CCDC148: variants seen among roughly 807,000 people sequenced by gnomAD.
CCDC148 encodes coiled-coil domain containing 148.
In CCDC148, 89 loss-of-function variants were observed where a neutral mutation model predicts 85.7. That is an observed-to-expected ratio of 1.04 (90% CI 0.87 to 1.24). The LOEUF (loss-of-function observed/expected upper bound fraction) is 1.24, where lower values mean the gene tolerates loss of function less well. Ranked by LOEUF, CCDC148 falls within the 50% of genes most tolerant of loss-of-function variation. The pLI is 0.00. For synonymous variants in CCDC148, 230 were observed against 213.9 expected (o/e 1.08, Z -0.66); for missense variants, 692 against 671.7 (o/e 1.03, Z -0.33).
chr2:158,325,682 C>T (rs1158729492), intron 7 of CCDC148, among the ~76,000 whole-genome samples: 1 of 152,110 alleles, frequency 6.6e-6, no homozygotes, highest in Non-Finnish European at 1.5e-5. Flanking sequence ...AAACCTCAAC[C>T]CCGGATTTTC....
chr2:158,198,160 T>A (rs5010510), intron 11 of CCDC148, among the ~76,000 whole-genome samples: 11,340 of 152,174 alleles, frequency 0.075, 1,403 homozygotes, highest in African/African-American at 0.26. Context: ...AGGCCTTTCC[T>A]TCTACTAAGA....
chr2:158,406,997 T>C (rs1433030216), intron 1 of CCDC148, among the ~76,000 whole-genome samples: 3 of 152,144 alleles, frequency 2.0e-5, no homozygotes, highest in Non-Finnish European at 4.4e-5. Context: ...GCTTCTTTCC[T>C]GAGCTTCTCT....
intron 10 of CCDC148, among the ~76,000 whole-genome samples, chr2:158,231,818 C>T (rs1482686047): frequency 1.3e-5 from 2 of 152,128 alleles, no homozygotes; most frequent in Non-Finnish European, 2.9e-5. Context: ...ACCGGGCCAA[C>T]AGTTTTCTTT....
intron 2 of CCDC148, among the ~76,000 whole-genome samples, chr2:158,355,426 A>T (rs1204220964): frequency 1.3e-5 from 2 of 152,234 alleles, no homozygotes; most frequent in South Asian, 2.1e-4. Context: ...GCATTCTTAT[A>T]TACCAGCAAC....
At chr2:158,265,255 GATA>G (rs1357235374) in intron 9 of CCDC148, among the ~76,000 whole-genome samples, 4 of 152,094 alleles carry the variant, frequency 2.6e-5, no homozygotes, top group Admixed American at 6.6e-5. Context: ...CCTGCTTACA[GATA>G]ATTACTCTCA....
At chr2:158,350,897 T>C (rs1559089793) in intron 2 of CCDC148, among the ~76,000 whole-genome samples, 1 of 152,110 alleles carries the variant, frequency 6.6e-6, no homozygotes, top group Non-Finnish European at 1.5e-5. Flanking sequence ...GTGGGGAGTA[T>C]ATTCAACAGC....
chr2:158,281,341 T>A (rs1690286069), intron 9 of CCDC148, among the ~76,000 whole-genome samples: 2 of 152,094 alleles, frequency 1.3e-5, no homozygotes. Flanking sequence ...ATCCAGGAGC[T>A]GGTTTCTTGA....
intron 11 of CCDC148, among the ~76,000 whole-genome samples, chr2:158,209,192 G>A (rs1247780221): frequency 2.6e-5 from 4 of 151,912 alleles, no homozygotes; most frequent in Admixed American, 2.6e-4. Flanking sequence ...AGTGCCTGGA[G>A]TTCTATGGTA....
chr2:158,455,177 A>C (rs138480154), intron 1 of CCDC148, among the ~76,000 whole-genome samples: 99 of 152,328 alleles, frequency 6.5e-4, no homozygotes, highest in African/African-American at 2.3e-3. Flanking sequence ...CTGTTCTATA[A>C]ACAAAAACAC....
Position 158,332,045 on chromosome 2 carries a change from C to G in CCDC148, c.764+6681G>C, listed in dbSNP as rs1462734052. Among the ~76,000 whole-genome samples the G allele has an allele frequency of 2.0e-5, 3 of 152,244 alleles. No homozygotes were observed. In the East Asian group the frequency reaches 5.8e-4, roughly 29 times the overall value. On this transcript the variant is annotated intron_variant, in intron 7 of 13. Coordinates refer to ENST00000283233, the MANE Select transcript of CCDC148 (RefSeq NM_138803.4). ...TTGTTATGTGTGAGTTTGATCCTGT[C>G]ATTATGATGTTAGCTGGTTATTTTG...
chr2:158,270,761 A>T (rs1266687794), intron 9 of CCDC148, among the ~76,000 whole-genome samples: 1 of 152,176 alleles, frequency 6.6e-6, no homozygotes, highest in Non-Finnish European at 1.5e-5. Flanking sequence ...TGCATATTAC[A>T]TATACATGTT....
chr2:158,217,372 G>GTATATATATATATATATATATATATA (rs1279069325), intron 11 of CCDC148, among the ~76,000 whole-genome samples: 5 of 72,306 alleles, frequency 6.9e-5, no homozygotes, highest in African/African-American at 2.0e-4. Flanking sequence ...TTGTGTGTGT[G>GTATATATATATATATATATATATATA]TGTATATATA....
intron 10 of CCDC148, among the ~76,000 whole-genome samples, chr2:158,227,537 C>A (rs1318003382): frequency 6.6e-6 from 1 of 152,056 alleles, no homozygotes; most frequent in Non-Finnish European, 1.5e-5. Flanking sequence ...GGAGGCATCA[C>A]GCTACCTGAC....
chr2:158,221,555 C>T (rs945792591), intron 10 of CCDC148, among the ~76,000 whole-genome samples: 3 of 152,170 alleles, frequency 2.0e-5, no homozygotes, highest in African/African-American at 7.2e-5. Flanking sequence ...TAGTGAGCGA[C>T]TGGCAGCAGG....
chr2:158,384,381 CAGTGCTGG>C (rs1308240169), intron 1 of CCDC148, among the ~76,000 whole-genome samples: 3 of 152,134 alleles, frequency 2.0e-5, no homozygotes, highest in Non-Finnish European at 4.4e-5. Flanking sequence ...TTGTAATCCC[CAGTGCTGG>C]AGGAGGGGTC....
intron 1 of CCDC148, among the ~76,000 whole-genome samples, chr2:158,376,233 G>T (rs1455785937): frequency 2.0e-5 from 3 of 152,000 alleles, no homozygotes; most frequent in Admixed American, 2.0e-4. Context: ...AATTTCACAT[G>T]CAGTTTTAAC....
chr2:158,197,482 G>A (rs904001394), intron 11 of CCDC148, among the ~76,000 whole-genome samples: 2 of 152,146 alleles, frequency 1.3e-5, no homozygotes, highest in Non-Finnish European at 2.9e-5. Flanking sequence ...AGTAAAGTAT[G>A]TGTATGGTTA....
chr2:158,395,023 A>G (rs2216456), intron 1 of CCDC148, among the ~76,000 whole-genome samples: 134,991 of 151,986 alleles, frequency 0.89, 60,708 homozygotes, highest in Non-Finnish European at 0.96. Context: ...TTCCTTAATC[A>G]GGAAAAAAGA....
chr2:158,280,731 C>T (rs1690243009), intron 9 of CCDC148, among the ~76,000 whole-genome samples: 1 of 152,146 alleles, frequency 6.6e-6, no homozygotes. Context: ...GACAGAAAGT[C>T]AACAAGGATA....
Sources: gnomAD v4.1 joint callset for allele counts (sites outside exome capture counted in the v4.1 genomes callset) on GRCh38, gnomAD v4.1.1 for gene constraint, MANE v1.5 for transcripts, NCBI Gene and HGNC (gene_info 2026-07-23, HGNC 2026-07-21) for gene names.